The following ITFG1 variants were observed in gnomAD, a reference collection of about 807,000 sequenced individuals.
The protein encoded by ITFG1 is integrin alpha FG-GAP repeat containing 1.
A neutral mutation model predicts 81.8 loss-of-function variants in ITFG1; 34 were observed. The ratio of observed to expected loss-of-function variants is 0.42; its 90% CI spans 0.32 to 0.55. The LOEUF is 0.55. ITFG1 is among the 20% of genes least tolerant of loss of function. The probability of loss-of-function intolerance (pLI) is 0.17; values close to 1 mark genes in which losing one functional copy is unlikely to be tolerated. For missense variants in ITFG1, 672 were observed against 755.4 expected (o/e 0.89, Z 1.29); for synonymous variants, 285 against 270.6 (o/e 1.05, Z -0.52).
chr16:47,324,210 C>A (rs926915354), intron 8 of ITFG1, among the ~76,000 whole-genome samples: 12 of 151,868 alleles, frequency 7.9e-5, no homozygotes, highest in Non-Finnish European at 1.3e-4. Flanking sequence ...GAATTTTCAA[C>A]CCAGAATTTC....
intron 5 of ITFG1, among the ~76,000 whole-genome samples, chr16:47,451,149 C>T (rs144804417): frequency 6.6e-6 from 1 of 152,196 alleles, no homozygotes; most frequent in East Asian, 1.9e-4. Context: ...TTTAATGAAC[C>T]AATATTTAAA....
chr16:47,406,687 A>G (rs543272351), intron 6 of ITFG1, among the ~76,000 whole-genome samples: 1 of 152,314 alleles, frequency 6.6e-6, no homozygotes, highest in South Asian at 2.1e-4. Flanking sequence ...AGCAATAAAA[A>G]CATTAAGTAT....
chr16:47,235,893 A>ATGTAAAC, intron 13 of ITFG1, among the ~76,000 whole-genome samples: 1 of 152,324 alleles, frequency 6.6e-6, no homozygotes, highest in South Asian at 2.1e-4. Flanking sequence ...ACATGCTGAT[A>ATGTAAAC]AAATTGTGAT....
chr16:47,208,377 T>C (rs1429345922), intron 14 of ITFG1, among the ~76,000 whole-genome samples: 1 of 152,200 alleles, frequency 6.6e-6, no homozygotes, highest in African/African-American at 2.4e-5. Flanking sequence ...TTAAGGTGTT[T>C]GGTACGCTAA....
In ITFG1 at chr16:47,183,108, G is replaced by A. The variant is rs1006796902; in HGVS notation, c.1454-20444C>T. 8.5e-5 allele frequency among the ~76,000 whole-genome samples: 13 copies of A among 152,298 alleles called. No homozygotes were observed. The South Asian group carries it at 1.0e-3, about 12-fold the overall frequency. On this transcript the variant is annotated intron_variant, in intron 14 of 17. Coordinates refer to ENST00000320640, the MANE Select transcript of ITFG1 (RefSeq NM_030790.5). ...AGAGATTATATCCCGCATCTGGCTC[G>A]CACCTGGCTTGGAGGGTCCTACGCC...
chr16:47,250,066 T>C (rs8063584), intron 12 of ITFG1, among the ~76,000 whole-genome samples: 18,245 of 152,236 alleles, frequency 0.12, 2,385 homozygotes, highest in African/African-American at 0.33. Context: ...TTAAGACATA[T>C]GAACACAAAA....
At chr16:47,374,751 C>T (rs1023966800) in intron 7 of ITFG1, among the ~76,000 whole-genome samples, 7 of 151,968 alleles carry the variant, frequency 4.6e-5, no homozygotes, top group African/African-American at 1.7e-4. Flanking sequence ...TGTCTTACTT[C>T]CCCTTGCCCC....
chr16:47,257,216 G>A (rs895983253), intron 12 of ITFG1, among the ~76,000 whole-genome samples: 15 of 152,274 alleles, frequency 9.9e-5, no homozygotes, highest in African/African-American at 2.9e-4. Context: ...AGAAGACGAA[G>A]TTGTCTATGT....
intron 12 of ITFG1, among the ~76,000 whole-genome samples, chr16:47,248,699 A>T (rs1184538404): frequency 1.3e-5 from 2 of 152,208 alleles, no homozygotes; most frequent in Non-Finnish European, 2.9e-5. Flanking sequence ...CCAAGGCTGA[A>T]TTTACTATGA....
intron 14 of ITFG1, chr16:47,201,932 G>A (rs947717688): frequency 1.3e-5 from 2 of 152,104 alleles, no homozygotes; most frequent in African/African-American, 2.4e-5. Flanking sequence ...CTGACATTTA[G>A]TATGTTTAAA....
chr16:47,252,623 C>G (rs1370026899), intron 12 of ITFG1, among the ~76,000 whole-genome samples: 4 of 152,138 alleles, frequency 2.6e-5, no homozygotes, highest in Admixed American at 6.6e-5. Context: ...GCAAGGTCCC[C>G]GTCTTCATGT....
chr16:47,215,814 T>C (rs1234848115), intron 14 of ITFG1, among the ~76,000 whole-genome samples: 1 of 152,242 alleles, frequency 6.6e-6, no homozygotes, highest in East Asian at 1.9e-4. Context: ...TTATAGACAT[T>C]TAGATTTTTT....
chr16:47,284,181 G>A (rs1016251218), intron 10 of ITFG1, among the ~76,000 whole-genome samples: 1 of 152,074 alleles, frequency 6.6e-6, no homozygotes, highest in Admixed American at 6.6e-5. Flanking sequence ...CACCTCTGTG[G>A]ATATACCAAA....
rs138637945 is a variant in ITFG1, at chr16:47,339,977, C to T, written c.802+25811G>A. On this transcript the variant is annotated intron_variant, in intron 8 of 17. Transcript: ENST00000320640. ...GAGAACAGAAAAAACAAACAAAAAA[C>T]CAATTCATCATGAAAAAGGGATACT... Among the ~76,000 whole-genome samples the T allele has an allele frequency of 7.8e-3, 1,180 of 151,950 alleles. 10 individuals are homozygous for T. The highest frequency in any genetic ancestry group is 0.012 in the Non-Finnish European group (796 of 67,906).
intron 5 of ITFG1, among the ~76,000 whole-genome samples, chr16:47,445,708 T>C (rs1265675362): frequency 6.6e-6 from 1 of 152,172 alleles, no homozygotes; most frequent in Non-Finnish European, 1.5e-5. Context: ...ATGACACTTG[T>C]TTAACTTCCA....
At chr16:47,421,181 G>A (rs1321544886) in intron 6 of ITFG1, among the ~76,000 whole-genome samples, 1 of 150,756 alleles carries the variant, frequency 6.6e-6, no homozygotes, top group Non-Finnish European at 1.5e-5. Flanking sequence ...AAGTTAGGTA[G>A]GTCATTTAAA....
intron 5 of ITFG1, among the ~76,000 whole-genome samples, chr16:47,439,695 T>C (rs1164263971): frequency 1.3e-5 from 2 of 152,036 alleles, no homozygotes; most frequent in East Asian, 1.9e-4. Context: ...GCACTAAACA[T>C]GGAAAGGAAC....
At chr16:47,372,297 T>G (rs542430336) in intron 7 of ITFG1, among the ~76,000 whole-genome samples, 4 of 152,152 alleles carry the variant, frequency 2.6e-5, no homozygotes, top group Non-Finnish European at 4.4e-5. Context: ...CAGGCTGGAG[T>G]GCAGTGGTGC....
chr16:47,264,591 C>CACAG (rs925255694), intron 10 of ITFG1, among the ~76,000 whole-genome samples: 17 of 140,590 alleles, frequency 1.2e-4, no homozygotes, highest in Non-Finnish European at 1.7e-4. Context: ...CACACACACA[C>CACAG]AGAGATAGAG....
Sources: allele counts gnomAD v4.1 joint callset (sites outside exome capture counted in the v4.1 genomes callset), GRCh38; gene constraint gnomAD v4.1.1; transcripts MANE v1.5; gene names NCBI Gene and HGNC (gene_info 2026-07-23, HGNC 2026-07-21).